Variants in SHQ1 observed in about 807,000 individuals in gnomAD.
SHQ1 encodes protein SHQ1 homolog.
In SHQ1, 49 loss-of-function variants were observed where a neutral mutation model predicts 53.8. That is an observed-to-expected ratio of 0.91 (90% confidence interval 0.72 to 1.16). The LOEUF is 1.16. Among genes scored for constraint, SHQ1 ranks in the 50% most tolerant of loss-of-function variants. The probability of loss-of-function intolerance (pLI) is 0.00; values close to 1 mark genes in which losing one functional copy is unlikely to be tolerated. For missense variants in SHQ1, 738 were observed against 683.1 expected (o/e 1.08, Z -0.90); for synonymous variants, 243 against 251.0 (o/e 0.97, Z 0.30).
intron 10 of SHQ1, among the ~76,000 whole-genome samples, chr3:72,751,728 A>AT (rs147455964): frequency 0.22 from 33,381 of 151,380 alleles, 3,926 homozygotes; most frequent in Non-Finnish European, 0.25. Flanking sequence ...TGTCAGATAT[A>AT]TTTTTTATTG....
the SHQ1 span, among the ~76,000 whole-genome samples, chr3:72,729,347 A>G: frequency 7.9e-5 from 12 of 152,168 alleles, no homozygotes; most frequent in Non-Finnish European, 1.6e-4. Context: ...AGAAATCGCC[A>G]ATGTGACCTG....
chr3:72,843,834 G>A (rs150480605), intron 2 of SHQ1, among the ~76,000 whole-genome samples: 3 of 151,168 alleles, frequency 2.0e-5, no homozygotes, highest in African/African-American at 4.9e-5. Flanking sequence ...TTCTAAATCC[G>A]ATGACAAAGG....
chr3:72,809,091 C>A lies in SHQ1; in HGVS notation c.1060+3580G>T, dbSNP rs1441512918. ...ACCCTGGAAATTTTAACCGTAGATACCAACTGGAGAGTACAAAGATTGGTG... is the reference window on the plus strand; with the variant it reads ...ACCCTGGAAATTTTAACCGTAGATAACAACTGGAGAGTACAAAGATTGGTG... On this transcript the variant is annotated intron_variant, in intron 9 of 10. Transcript: ENST00000325599. 2.0e-5 allele frequency among the ~76,000 whole-genome samples: 3 copies of A among 151,158 alleles called. No homozygotes were observed. In the East Asian group the frequency reaches 5.8e-4, roughly 29 times the overall value.
At chr3:72,834,300 G>A (rs1169601519) in intron 4 of SHQ1, among the ~76,000 whole-genome samples, 4 of 152,164 alleles carry the variant, frequency 2.6e-5, no homozygotes, top group Non-Finnish European at 5.9e-5. Context: ...AGGCCAAGGC[G>A]GGCGGATCAC....
intron 4 of SHQ1, among the ~76,000 whole-genome samples, chr3:72,838,893 T>C (rs1708075604): frequency 1.3e-5 from 2 of 151,156 alleles, no homozygotes; most frequent in African/African-American, 4.9e-5. Flanking sequence ...ACCTAAGTAA[T>C]AGATGTCTAG....
intron 1 of SHQ1, among the ~76,000 whole-genome samples, chr3:72,844,976 T>G (rs949548591): frequency 6.6e-6 from 1 of 152,202 alleles, no homozygotes; most frequent in Non-Finnish European, 1.5e-5. Flanking sequence ...TCATTATGTA[T>G]GCAAAAATAT....
chr3:72,748,868 T>C (rs978782136), downstream of SHQ1, among the ~76,000 whole-genome samples: 1 of 152,026 alleles, frequency 6.6e-6, no homozygotes, highest in African/African-American at 2.4e-5. Context: ...GGTGCGAGGA[T>C]TGCTTGAACC....
At chr3:72,841,284 A>G in intron 3 of SHQ1, 85 bp from the exon 4 acceptor site, 2 of 1,059,812 alleles carry the variant, frequency 1.9e-6, no homozygotes, top group Non-Finnish European at 2.7e-6. Flanking sequence ...AAATGCCCAC[A>G]AAGATGTACC....
chr3:72,811,295 TCCATGAATAATGC>T (rs2106853650), intron 9 of SHQ1, among the ~76,000 whole-genome samples: 1 of 152,284 alleles, frequency 6.6e-6, no homozygotes, highest in East Asian at 1.9e-4. Flanking sequence ...CTGGTTTAAG[TCCATGAATAATGC>T]CCAGATAATC....
intron 9 of SHQ1, among the ~76,000 whole-genome samples, chr3:72,796,044 A>C (rs1484653956): frequency 6.9e-6 from 1 of 144,918 alleles, no homozygotes; most frequent in Non-Finnish European, 1.5e-5. Flanking sequence ...CAGAGGTTGC[A>C]GTGAGCCAAG....
Position 72,821,356 on chromosome 3 carries a change from C to T in SHQ1, c.727+3068G>A, listed in dbSNP as rs536097146. ...CCACTGAAAGACAACATGGGAAATG[C>T]GGTGAGTTCATCCTCATGAAACCAG... is the stretch of plus-strand genomic sequence containing the variant. On this transcript the variant is annotated intron_variant, in intron 6 of 10. Transcript: ENST00000325599. 1.5e-3 allele frequency among the ~76,000 whole-genome samples: 231 copies of T among 152,284 alleles called. 2 individuals are homozygous for T. Among genetic ancestry groups the T allele is most frequent in the Admixed American group, 6.3e-3 (97 of 15,288 alleles).
At chr3:72,735,289 C>T in the SHQ1 span, among the ~76,000 whole-genome samples, 32 of 150,476 alleles carry the variant, frequency 2.1e-4, 1 homozygote, top group African/African-American at 5.9e-4. Context: ...TCAGTGGGGG[C>T]GGTTCTTCCG....
At chr3:72,774,306 T>C (rs1044451354) in intron 10 of SHQ1, among the ~76,000 whole-genome samples, 5 of 152,054 alleles carry the variant, frequency 3.3e-5, no homozygotes, top group Non-Finnish European at 5.9e-5. Flanking sequence ...TCAGTAAAGA[T>C]ACAAAAAACA....
chr3:72,776,918 A>T (rs767327653), intron 10 of SHQ1, among the ~76,000 whole-genome samples: 6 of 152,198 alleles, frequency 3.9e-5, no homozygotes, highest in Non-Finnish European at 7.3e-5. Context: ...ATACATGTTA[A>T]CTTGATTTAT....
At chr3:72,773,336 A>G in intron 10 of SHQ1, 1 of 583,796 alleles carries the variant, frequency 1.7e-6, no homozygotes, top group Non-Finnish European at 3.3e-6. Context: ...GAAAAAAATG[A>G]GTATACTCCA....
chr3:72,745,628 C>T (rs1299423844), downstream of SHQ1, among the ~76,000 whole-genome samples: 3 of 152,100 alleles, frequency 2.0e-5, no homozygotes, highest in Admixed American at 2.0e-4. Context: ...GCTCCCCCAG[C>T]GACCTGTTGT....
intron 6 of SHQ1, among the ~76,000 whole-genome samples, chr3:72,821,767 T>C (rs901909907): frequency 1.3e-5 from 2 of 152,180 alleles, no homozygotes; most frequent in East Asian, 1.9e-4. Context: ...GCATGCACCA[T>C]AGTTCAGCAG....
At chr3:72,815,530 C>T (rs758701919) in intron 7 of SHQ1, 127 bp from the exon 8 acceptor site, 14 of 626,106 alleles carry the variant, frequency 2.2e-5, no homozygotes, top group African/African-American at 7.3e-5. Flanking sequence ...GAAGTGTTCA[C>T]GACTATAGAA....
At chr3:72,781,377 G>T (rs1365164517) in intron 10 of SHQ1, among the ~76,000 whole-genome samples, 1 of 151,900 alleles carries the variant, frequency 6.6e-6, no homozygotes, top group African/African-American at 2.4e-5. Flanking sequence ...TTTCAAGAAG[G>T]GCTCGCATTT....
Sources: allele counts gnomAD v4.1 joint callset (sites outside exome capture counted in the v4.1 genomes callset), GRCh38; gene constraint gnomAD v4.1.1; transcripts MANE v1.5; gene names NCBI Gene and HGNC (gene_info 2026-07-23, HGNC 2026-07-21).